Variants in GLIS3 observed in about 807,000 individuals in gnomAD.
GLIS3 encodes GLIS family zinc finger 3, also known as zinc finger protein GLIS3.
In GLIS3, 53 loss-of-function variants were observed where a neutral mutation model predicts 78.6. The ratio of observed to expected loss-of-function variants is 0.67; its 90% CI spans 0.54 to 0.85. The LOEUF (loss-of-function observed/expected upper bound fraction) is 0.85. Among genes scored for constraint, GLIS3 ranks in the 40% least tolerant of loss-of-function variants. The pLI, the probability that GLIS3 is intolerant of heterozygous loss-of-function variation, is 0.00. For synonymous variants in GLIS3, 684 were observed against 509.9 expected (o/e 1.34, Z -4.60); for missense variants, 1,703 against 1,231.1 (o/e 1.38, Z -5.74).
chr9:3,858,272 G>C (rs1819919270), intron 8 of GLIS3, among the ~76,000 whole-genome samples: 1 of 152,096 alleles, frequency 6.6e-6, no homozygotes, highest in African/African-American at 2.4e-5. Context: ...GGGCAAGTCA[G>C]CAAGTAGATC....
At chr9:4,203,816 T>C (rs1389782781) in intron 2 of GLIS3, among the ~76,000 whole-genome samples, 1 of 152,200 alleles carries the variant, frequency 6.6e-6, no homozygotes, top group East Asian at 1.9e-4. Context: ...GCAACATGGA[T>C]GCAGCTGGAG....
At chr9:4,109,463 T>C (rs1445270999) in intron 4 of GLIS3, among the ~76,000 whole-genome samples, 1 of 152,186 alleles carries the variant, frequency 6.6e-6, no homozygotes, top group Non-Finnish European at 1.5e-5. Context: ...CGTGTTTCCC[T>C]AGCTGATCAC....
chr9:4,443,379 C>A, the GLIS3 span, among the ~76,000 whole-genome samples: 2 of 152,092 alleles, frequency 1.3e-5, no homozygotes, highest in Non-Finnish European at 2.9e-5. Flanking sequence ...CCAATTTGAC[C>A]AGAAATCTCT....
At chr9:4,388,460 C>G in the GLIS3 span, among the ~76,000 whole-genome samples, 4 of 152,090 alleles carry the variant, frequency 2.6e-5, no homozygotes, top group East Asian at 1.9e-4. Context: ...GGGCAGATCA[C>G]GAGGTCAGGA....
chr9:3,926,520 G>A (rs765442415), intron 6 of GLIS3, among the ~76,000 whole-genome samples: 7 of 151,852 alleles, frequency 4.6e-5, no homozygotes, highest in Admixed American at 6.5e-5. Flanking sequence ...GTGAGCCACC[G>A]CACGCGGCCT....
intron 2 of GLIS3, among the ~76,000 whole-genome samples, chr9:4,315,779 C>T (rs1284729357): frequency 6.6e-6 from 1 of 152,052 alleles, no homozygotes; most frequent in Non-Finnish European, 1.5e-5. Context: ...GAAAGAGTGA[C>T]TTGGGCCGTC....
chr9:4,091,506 T>C (rs1037233735), intron 4 of GLIS3, among the ~76,000 whole-genome samples: 6 of 150,910 alleles, frequency 4.0e-5, no homozygotes, highest in Non-Finnish European at 7.4e-5. Flanking sequence ...AGGCACTTCA[T>C]TAGACTACAC....
At chr9:4,069,530 A>C (rs1827407189) in intron 4 of GLIS3, among the ~76,000 whole-genome samples, 1 of 152,212 alleles carries the variant, frequency 6.6e-6, no homozygotes, top group Non-Finnish European at 1.5e-5. Flanking sequence ...ACAGATTCTT[A>C]TTATCTGTGA....
the GLIS3 span, among the ~76,000 whole-genome samples, chr9:4,364,686 T>G: frequency 7.0e-6 from 1 of 143,860 alleles, no homozygotes. Flanking sequence ...CTTTTTATTT[T>G]CTTCTTTATA....
chr9:4,474,878 T>C, the GLIS3 span, among the ~76,000 whole-genome samples: 1 of 151,774 alleles, frequency 6.6e-6, no homozygotes, highest in Non-Finnish European at 1.5e-5. Context: ...TTTAAAAAAG[T>C]TTTTACAGAG....
At position 4,086,914 on chromosome 9, in the gene GLIS3, G is replaced by A. The variant is rs75735893; in HGVS notation, c.1710+30854C>T. ...CTAACTGATAACGGCATGATTTAGA[G>A]ACATGTCCTCCACATTGGACCTTGA... On this transcript the variant is annotated intron_variant, in intron 4 of 10. Transcript: ENST00000381971. Among the ~76,000 whole-genome samples, 107 of 152,250 alleles carry A rather than the reference G, an allele frequency of 7.0e-4. 2 individuals carry two copies. Among genetic ancestry groups the A allele is most frequent in the Admixed American group, 2.1e-3 (32 of 15,288 alleles).
intron 2 of GLIS3, among the ~76,000 whole-genome samples, chr9:4,341,500 C>G (rs1005891775): frequency 2.0e-5 from 3 of 152,216 alleles, no homozygotes; most frequent in Non-Finnish European, 2.9e-5. Context: ...TAATGCTGCC[C>G]TATATCATTT....
intron 4 of GLIS3, among the ~76,000 whole-genome samples, chr9:3,939,446 C>T (rs903779476): frequency 6.6e-6 from 1 of 152,204 alleles, no homozygotes; most frequent in Non-Finnish European, 1.5e-5. Flanking sequence ...TAAAACCCAA[C>T]TAATTGCTAT....
intron 4 of GLIS3, among the ~76,000 whole-genome samples, chr9:4,102,727 A>C (rs1412599780): frequency 6.6e-6 from 1 of 152,170 alleles, no homozygotes; most frequent in Non-Finnish European, 1.5e-5. Flanking sequence ...AATAAATCTC[A>C]AGTCCCTAAG....
chr9:3,899,645 A>ATCTT (rs1823137699), intron 6 of GLIS3, among the ~76,000 whole-genome samples: 1 of 152,240 alleles, frequency 6.6e-6, no homozygotes, highest in Non-Finnish European at 1.5e-5. Flanking sequence ...AATGGTAATC[A>ATCTT]TCTTTGGTAT....
chr9:3,960,184 G>C (rs1817454450), intron 4 of GLIS3, among the ~76,000 whole-genome samples: 1 of 152,168 alleles, frequency 6.6e-6, no homozygotes, highest in South Asian at 2.1e-4. Flanking sequence ...ACAGAGGGAA[G>C]ATGACGTGAA....
intron 2 of GLIS3, among the ~76,000 whole-genome samples, chr9:4,326,037 C>G (rs1250538797): frequency 6.6e-6 from 1 of 152,114 alleles, no homozygotes; most frequent in Non-Finnish European, 1.5e-5. Flanking sequence ...GGGAACAACA[C>G]ACACTGGGGC....
chr9:3,946,792 T>A (rs995237212), intron 4 of GLIS3, among the ~76,000 whole-genome samples: 2 of 152,190 alleles, frequency 1.3e-5, no homozygotes, highest in Non-Finnish European at 2.9e-5. Context: ...TGCCTTCTCA[T>A]ACATAAAGGA....
chr9:4,445,599 C>T, the GLIS3 span, among the ~76,000 whole-genome samples: 3 of 152,078 alleles, frequency 2.0e-5, no homozygotes, highest in African/African-American at 4.8e-5. Context: ...GCACCACTGC[C>T]CTCCCACCTG....
Sources: gnomAD v4.1 joint callset for allele counts (sites outside exome capture counted in the v4.1 genomes callset) on GRCh38, gnomAD v4.1.1 for gene constraint, MANE v1.5 for transcripts, NCBI Gene and HGNC (gene_info 2026-07-23, HGNC 2026-07-21) for gene names.